SH2D4A: variants seen among roughly 807,000 people sequenced by gnomAD.
SH2D4A encodes the protein SH2 domain containing 4A, also known as SH2 domain-containing protein 4A.
A neutral mutation model predicts 64.7 loss-of-function variants in SH2D4A; 70 were observed. The observed-to-expected ratio is 1.08, with a 90% CI of 0.89 to 1.32. The LOEUF is 1.32. SH2D4A is among the 40% of genes most tolerant of loss of function. SH2D4A has a pLI of 0.00. For synonymous variants in SH2D4A, 268 were observed against 200.7 expected (o/e 1.34, Z -2.83); for missense variants, 706 against 540.1 (o/e 1.31, Z -3.04).
intron 7 of SH2D4A, among the ~76,000 whole-genome samples, chr8:19,368,854 G>A (rs1282797570): frequency 6.6e-6 from 1 of 151,920 alleles, no homozygotes; most frequent in Non-Finnish European, 1.5e-5. Flanking sequence ...CTGTGCCTAG[G>A]ACTTTCAGTA....
At chr8:19,385,887 A>G (rs2053382408) in intron 8 of SH2D4A, among the ~76,000 whole-genome samples, 2 of 152,192 alleles carry the variant, frequency 1.3e-5, no homozygotes, top group Admixed American at 6.5e-5. Flanking sequence ...TGGGGCTATC[A>G]ATATTCTGCC....
intron 6 of SH2D4A, chr8:19,363,846 C>T: frequency 1.8e-6 from 1 of 544,420 alleles, no homozygotes; most frequent in Non-Finnish European, 3.3e-6. Context: ...CTTTTCTCTC[C>T]CTCTCAGAAA....
intron 8 of SH2D4A, among the ~76,000 whole-genome samples, chr8:19,376,337 C>A (rs1315139010): frequency 6.6e-6 from 1 of 152,062 alleles, no homozygotes; most frequent in African/African-American, 2.4e-5. Flanking sequence ...AAATCTCATC[C>A]AAGACCAGGC....
intron 4 of SH2D4A, among the ~76,000 whole-genome samples, chr8:19,343,603 C>G (rs906891327): frequency 3.9e-5 from 6 of 152,204 alleles, no homozygotes; most frequent in African/African-American, 1.4e-4. Context: ...ATTAAGAGCA[C>G]TAGACATTGT....
chr8:19,324,639 T>G (rs768990542), intron 2 of SH2D4A, among the ~76,000 whole-genome samples: 9 of 152,298 alleles, frequency 5.9e-5, no homozygotes, highest in Middle Eastern at 3.4e-3. Flanking sequence ...TCCCTGTTTC[T>G]TTTTTCTTCT....
intron 6 of SH2D4A, 112 bp downstream of exon 6, chr8:19,361,426 A>G: frequency 9.4e-7 from 1 of 1,062,196 alleles, no homozygotes; most frequent in Non-Finnish European, 1.3e-6. Context: ...AGATATGTTC[A>G]CAGTAAGTTA....
At chr8:19,354,314 A>G (rs915667393) in intron 4 of SH2D4A, among the ~76,000 whole-genome samples, 4 of 152,170 alleles carry the variant, frequency 2.6e-5, no homozygotes, top group African/African-American at 9.7e-5. Context: ...ATGAGTTTTT[A>G]TGCTAAAATT....
chr8:19,313,955 A>G, intron 1 of SH2D4A, 132 bp downstream of exon 1: 1 of 1,266,174 alleles, frequency 7.9e-7, no homozygotes, highest in Non-Finnish European at 9.9e-7. Context: ...CGGAAGCCTC[A>G]CCCCCGCCTC....
chr8:19,330,581 TTCTCTC>T (rs1585150825), intron 2 of SH2D4A, among the ~76,000 whole-genome samples: 1 of 152,136 alleles, frequency 6.6e-6, no homozygotes, highest in East Asian at 1.9e-4. Flanking sequence ...GTCCTAGGAT[TTCTCTC>T]CCCACCTGCA....
chr8:19,380,413 G>A (rs897365202), intron 8 of SH2D4A, among the ~76,000 whole-genome samples: 2 of 151,824 alleles, frequency 1.3e-5, no homozygotes, highest in African/African-American at 2.4e-5. Flanking sequence ...TGTGTTGCTC[G>A]TGCCTTTGGT....
At chr8:19,366,724 G>A (rs754505701) in intron 7 of SH2D4A, among the ~76,000 whole-genome samples, 3 of 151,196 alleles carry the variant, frequency 2.0e-5, no homozygotes, top group Non-Finnish European at 3.0e-5. Flanking sequence ...CCCAGGAGGC[G>A]AAGGCTGTTG....
At position 19,393,543 on chromosome 8, in the gene SH2D4A, T is replaced by G; in HGVS notation, c.1272+2T>G. ...GCGGATTTGGTGGAATATCACAAGG[T>G]GAAGCAATGCATAAACTTAATTTGC... On this transcript the variant is annotated splice_donor_variant, in intron 9 of 9. Transcript: ENST00000265807. LOFTEE classifies it high-confidence loss of function. 6.2e-7 allele frequency: 1 copy of G among 1,613,904 alleles called. No homozygotes were observed. The highest frequency in any genetic ancestry group is 1.3e-5 in the African/African-American group (1 of 75,034).
At chr8:19,347,888 A>G (rs917933267) in intron 4 of SH2D4A, among the ~76,000 whole-genome samples, 1 of 152,210 alleles carries the variant, frequency 6.6e-6, no homozygotes, top group Non-Finnish European at 1.5e-5. Context: ...TCCACCACAC[A>G]GGCAAACACA....
intron 4 of SH2D4A, among the ~76,000 whole-genome samples, chr8:19,335,513 A>G (rs1436793335): frequency 6.6e-6 from 1 of 152,208 alleles, no homozygotes; most frequent in African/African-American, 2.4e-5. Flanking sequence ...GTAAAGTGCA[A>G]CATAGTAAAT....
At chr8:19,331,303 G>A (rs980714014) in intron 2 of SH2D4A, among the ~76,000 whole-genome samples, 2 of 152,182 alleles carry the variant, frequency 1.3e-5, no homozygotes, top group African/African-American at 4.8e-5. Flanking sequence ...ATCCCAGTGT[G>A]GATGTTTTGC....
intron 4 of SH2D4A, among the ~76,000 whole-genome samples, chr8:19,337,285 G>A (rs1042183980): frequency 2.6e-5 from 4 of 152,122 alleles, no homozygotes; most frequent in African/African-American, 7.2e-5. Context: ...TAAAGAGGTC[G>A]TCTGCTACCT....
In SH2D4A at chr8:19,393,557, A is replaced by C. The variant is rs747363675; in HGVS notation, c.1272+16A>C. 5.6e-6 allele frequency: 9 copies of C among 1,612,394 alleles called. No individual in the cohort carries two copies. Among genetic ancestry groups the C allele is most frequent in the Non-Finnish European group, 7.6e-6 (9 of 1,179,000 alleles). On this transcript the variant is annotated intron_variant, in intron 9 of 9. Transcript: ENST00000265807. ...ATATCACAAGGTGAAGCAATGCATA[A>C]ACTTAATTTGCCTTCTGAGTTACTG...
chr8:19,323,489 T>C (rs1356485922), intron 2 of SH2D4A, among the ~76,000 whole-genome samples: 1 of 151,796 alleles, frequency 6.6e-6, no homozygotes, highest in African/African-American at 2.4e-5. Flanking sequence ...CTAGCGATTC[T>C]CCTTTCTCAG....
At chr8:19,339,495 CTTTTTTTTTTT>C (rs5889867) in intron 4 of SH2D4A, among the ~76,000 whole-genome samples, 4 of 129,026 alleles carry the variant, frequency 3.1e-5, no homozygotes, top group African/African-American at 1.2e-4. Flanking sequence ...TATAAACTTT[CTTTTTTTTTTT>C]TTTTTTTCTT....
Sources: allele counts gnomAD v4.1 joint callset (sites outside exome capture counted in the v4.1 genomes callset), GRCh38; gene constraint gnomAD v4.1.1; transcripts MANE v1.5; gene names NCBI Gene and HGNC (gene_info 2026-07-23, HGNC 2026-07-21).